Variants in BTBD9 observed in about 807,000 individuals in gnomAD.
The protein encoded by BTBD9 is BTB domain containing 9.
BTBD9 carries 49 observed loss-of-function variants against 64.3 expected under a neutral mutation model. The observed-to-expected ratio is 0.76, with a 90% confidence interval of 0.61 to 0.97. BTBD9 has a LOEUF of 0.97. BTBD9 is among the 50% of genes least tolerant of loss of function. The probability of loss-of-function intolerance (pLI) is 0.00; values close to 1 mark genes in which losing one functional copy is unlikely to be tolerated. For synonymous variants in BTBD9, 260 were observed against 274.7 expected (o/e 0.95, Z 0.53); for missense variants, 598 against 762.1 (o/e 0.78, Z 2.53).
At chr6:38,378,536 T>C (rs1448833499) in intron 6 of BTBD9, among the ~76,000 whole-genome samples, 1 of 145,890 alleles carries the variant, frequency 6.9e-6, no homozygotes, top group Non-Finnish European at 1.5e-5. Context: ...CACCTGGCCC[T>C]AAACGAAACA....
At chr6:38,616,411 CCTA>C (rs1256860187) in intron 1 of BTBD9, among the ~76,000 whole-genome samples, 1 of 152,060 alleles carries the variant, frequency 6.6e-6, no homozygotes, top group African/African-American at 2.4e-5. Flanking sequence ...ATTACAACGC[CCTA>C]CTATTCTGAA....
At chr6:38,442,963 T>C (rs6909898) in intron 6 of BTBD9, among the ~76,000 whole-genome samples, 79,949 of 151,770 alleles carry the variant, frequency 0.53, 21,947 homozygotes, top group East Asian at 0.96. Flanking sequence ...CCACCGCGCT[T>C]GGCCCATTTG....
chr6:38,244,531 C>T (rs1015487562), intron 9 of BTBD9, among the ~76,000 whole-genome samples: 2 of 151,944 alleles, frequency 1.3e-5, no homozygotes, highest in South Asian at 4.2e-4. Flanking sequence ...GAAACATTAA[C>T]CAGACGAACT....
chr6:38,326,372 A>G (rs1763429490), intron 7 of BTBD9, among the ~76,000 whole-genome samples: 1 of 152,194 alleles, frequency 6.6e-6, no homozygotes, highest in African/African-American at 2.4e-5. Flanking sequence ...CATGGTGAAG[A>G]TTTTGAGCTT....
At chr6:38,204,017 T>C (rs1368335538) in intron 9 of BTBD9, among the ~76,000 whole-genome samples, 1 of 152,092 alleles carries the variant, frequency 6.6e-6, no homozygotes, top group East Asian at 1.9e-4. Context: ...ATGTAGCCCA[T>C]AAATATGTAA....
In BTBD9 at chr6:38,493,924, T is replaced by C. The variant is rs376328961; in HGVS notation, c.1154+83676A>G. Among the ~76,000 whole-genome samples the C allele has an allele frequency of 2.6e-5, 4 of 152,252 alleles. No homozygotes were observed. The East Asian group carries it at 7.7e-4, about 29-fold the overall frequency. On this transcript the variant is annotated intron_variant, in intron 6 of 10. Coordinates refer to ENST00000481247, the MANE Select transcript of BTBD9 (RefSeq NM_001099272.2). ...AGTTAAATAAAGGATTACACACATT[T>C]GAGTAAATTACACAGCATTAAACAT...
chr6:38,399,568 T>C (rs1766835023), intron 6 of BTBD9, among the ~76,000 whole-genome samples: 1 of 152,206 alleles, frequency 6.6e-6, no homozygotes, highest in Non-Finnish European at 1.5e-5. Context: ...TGGTAATCTA[T>C]GGCAGAGACT....
intron 6 of BTBD9, among the ~76,000 whole-genome samples, chr6:38,406,359 C>G (rs1032796018): frequency 2.0e-5 from 3 of 152,004 alleles, no homozygotes; most frequent in Non-Finnish European, 2.9e-5. Context: ...TTTTTAATCT[C>G]CAAATTCTAC....
chr6:38,388,332 T>C (rs1220759056), intron 6 of BTBD9, among the ~76,000 whole-genome samples: 2 of 152,236 alleles, frequency 1.3e-5, no homozygotes, highest in Non-Finnish European at 2.9e-5. Context: ...ATTTGACTTG[T>C]ACAGTAACAG....
At chr6:38,308,415 T>C (rs1419866062) in intron 7 of BTBD9, among the ~76,000 whole-genome samples, 6 of 152,186 alleles carry the variant, frequency 3.9e-5, no homozygotes, top group Non-Finnish European at 7.3e-5. Context: ...ATAACCAACA[T>C]ACAAATAGTC....
chr6:38,379,153 G>A (rs749128484), intron 6 of BTBD9, among the ~76,000 whole-genome samples: 10 of 152,306 alleles, frequency 6.6e-5, no homozygotes, highest in Non-Finnish European at 1.5e-4. Context: ...TTGGGGAAAG[G>A]AGATAAAGCT....
Position 38,280,296 on chromosome 6 carries a change from A to AAAAT in BTBD9, c.1454+7975_1454+7976insATTT, listed in dbSNP as rs746161485. Among the ~76,000 whole-genome samples the AAAAT allele has an allele frequency of 7.9e-5, 12 of 152,290 alleles. No homozygotes were observed. The East Asian group carries it at 1.9e-3, about 24-fold the overall frequency. On this transcript the variant is annotated intron_variant, in intron 8 of 10. Transcript: ENST00000481247. ...TATTTGCTGTATGATTTTTCTGGGA[A>AAAAT]CCAGAGCTCTGAGGTCTGAGGGTGA...
At chr6:38,298,287 C>A (rs1441347662) in intron 7 of BTBD9, among the ~76,000 whole-genome samples, 1 of 151,972 alleles carries the variant, frequency 6.6e-6, no homozygotes, top group Non-Finnish European at 1.5e-5. Flanking sequence ...GACAAGCATA[C>A]CAGATTTAAT....
chr6:38,169,008 T>C lies in BTBD9; in HGVS notation c.*5977A>G, dbSNP rs877527. ...GGGGTGCAGCCTCTCTGAAGGTCAC[T>C]GTGGAGGGCGCACCAAGGCCTGGAG... On this transcript the variant is annotated 3_prime_UTR_variant, in exon 11 of 11. Transcript: ENST00000481247. 101,417 of 152,174 alleles carry C rather than the reference T, an allele frequency of 0.67. 34,687 individuals are homozygous for C. The highest frequency in any genetic ancestry group is 0.81 in the African/African-American group (33,476 of 41,498). The allele number at this position is 152,174 out of a possible 1,614,324, so 9.4% of individuals were successfully genotyped here. A position where few individuals can be genotyped will look rare whatever the true frequency, so the allele number is the denominator to read the frequency against.
chr6:38,441,718 CTG>C (rs1769043895), intron 6 of BTBD9, among the ~76,000 whole-genome samples: 1 of 152,158 alleles, frequency 6.6e-6, no homozygotes, highest in Admixed American at 6.5e-5. Flanking sequence ...CACCCAGCCT[CTG>C]AGAGATATTA....
intron 1 of BTBD9, among the ~76,000 whole-genome samples, chr6:38,619,230 TAG>T (rs1307117673): frequency 1.3e-5 from 2 of 152,154 alleles, no homozygotes; most frequent in African/African-American, 4.8e-5. Context: ...TCCCAAAAGC[TAG>T]CCCTGGGCCC....
rs556478558 is a variant in BTBD9 at position 38,328,985 on chromosome 6, T to C, written c.1264+15999A>G. Among the ~76,000 whole-genome samples the C allele has an allele frequency of 6.9e-3, 1,017 of 146,998 alleles. 6 individuals carry two copies. The highest frequency in any genetic ancestry group is 0.032 in the Middle Eastern group (9 of 282). On this transcript the variant is annotated intron_variant, in intron 7 of 10. Coordinates refer to ENST00000481247, the MANE Select transcript of BTBD9 (RefSeq NM_001099272.2). ...AAGAAAATATGTGTGTGTGTGTGTG[T>C]GTGTGTGTGTGTGTGTGTGTGTGTG...
chr6:38,219,727 C>A (rs886220804), intron 9 of BTBD9, among the ~76,000 whole-genome samples: 1 of 152,192 alleles, frequency 6.6e-6, no homozygotes. Context: ...AAAGCAGATA[C>A]TGTTGGCTGG....
chr6:38,320,214 T>G (rs1453313367), intron 7 of BTBD9, among the ~76,000 whole-genome samples: 3 of 152,208 alleles, frequency 2.0e-5, no homozygotes, highest in East Asian at 3.9e-4. Flanking sequence ...TCAGTGATAT[T>G]GAGTTAACCA....
Sources: allele counts gnomAD v4.1 joint callset (sites outside exome capture counted in the v4.1 genomes callset), GRCh38; gene constraint gnomAD v4.1.1; transcripts MANE v1.5; gene names NCBI Gene and HGNC (gene_info 2026-07-23, HGNC 2026-07-21).